The following ATRX variants were observed in gnomAD, a reference collection of about 807,000 sequenced individuals.
ATRX encodes chromatin remodeler ATRX.
ATRX carries 12 observed loss-of-function variants against 172.6 expected under a neutral mutation model. The ratio of observed to expected loss-of-function variants is 0.07; its 90% CI spans 0.04 to 0.11. The LOEUF is 0.11. ATRX is among the 10% of genes least tolerant of loss of function. The probability of loss-of-function intolerance (pLI) is 1.00; values close to 1 mark genes in which losing one functional copy is unlikely to be tolerated. For synonymous variants in ATRX, 674 were observed against 594.7 expected (o/e 1.13, Z -1.94); for missense variants, 1,368 against 1,767.4 (o/e 0.77, Z 4.05).
At chrX:77,721,035 T>A (rs1255239219) in intron 1 of ATRX, among the ~76,000 whole-genome samples, 1 of 111,997 alleles carries the variant, frequency 8.9e-6, no homozygotes, top group African/African-American at 3.2e-5. Flanking sequence ...CGCAAATCAA[T>A]AAACATAATC....
intron 30 of ATRX, among the ~76,000 whole-genome samples, chrX:77,530,897 A>G (rs2063554103): frequency 8.9e-6 from 1 of 112,277 alleles, no homozygotes; most frequent in Admixed American, 9.4e-5. Context: ...GAAAAGAAAG[A>G]AGAATCAAAT....
At chrX:77,684,847 G>A (rs1415456422) in intron 8 of ATRX, 92 bp downstream of exon 8, 23 of 855,967 alleles carry the variant, frequency 2.7e-5, no homozygotes, top group South Asian at 8.3e-5. Context: ...CATCAATGAC[G>A]ATACTATGAA....
At chrX:77,587,460 A>G (rs955560045) in intron 27 of ATRX, among the ~76,000 whole-genome samples, 4 of 112,241 alleles carry the variant, frequency 3.6e-5, no homozygotes, top group African/African-American at 1.3e-4. Flanking sequence ...GAAAGAGAAG[A>G]TAATTTCCTC....
intron 28 of ATRX, among the ~76,000 whole-genome samples, chrX:77,570,614 G>C (rs782703440): frequency 1.8e-5 from 2 of 111,479 alleles, no homozygotes; most frequent in African/African-American, 6.5e-5. Context: ...ATACAACACA[G>C]GACAAAGTCT....
chrX:77,556,198 A>G (rs1262298005), intron 30 of ATRX, among the ~76,000 whole-genome samples: 3 of 68,848 alleles, frequency 4.4e-5, no homozygotes, highest in Non-Finnish European at 7.7e-5. Flanking sequence ...GGAGAGGGAG[A>G]GGGAGAGGGG....
rs1557082422 is a variant in ATRX at position 77,593,840 on chromosome X, G to A, written c.5966C>T (p.Thr1989Ile). The part of the protein sequence containing the change: ...VSLKLEESKA[T>I]SSSNPSSPAP... ...TGGGCTGCTTGGATTAGAAGAAGAA[G>A]TAGCTTTACCTAAATAAGACAAATG... Residue 1989 changes from threonine to isoleucine, a missense_variant, in exon 26 of 35, where the codon ACT becomes ATT. Physicochemically the swap from Thr to Ile is moderately conservative, Grantham distance 89 (BLOSUM62 -1). Transcript: ENST00000373344. 8.3e-7 allele frequency: 1 copy of A among 1,207,599 alleles called. No homozygotes were observed. The highest frequency in any genetic ancestry group is 2.2e-5 in the Admixed American group (1 of 45,898).
chrX:77,778,930 CTTTTTTCT>C (rs1209167412), intron 1 of ATRX, among the ~76,000 whole-genome samples: 19 of 107,579 alleles, frequency 1.8e-4, no homozygotes, highest in African/African-American at 6.4e-4. Context: ...TGCTATCTCT[CTTTTTTCT>C]TTTTTTTGAA....
At chrX:77,530,025 C>G (rs782191310) in intron 30 of ATRX, among the ~76,000 whole-genome samples, 1 of 111,779 alleles carries the variant, frequency 8.9e-6, no homozygotes, top group African/African-American at 3.2e-5. Context: ...ACAACACATA[C>G]TCTAAAATTT....
chrX:77,589,936 C>G lies in ATRX; in HGVS notation c.6115G>C (p.Val2039Leu), dbSNP rs2148091070. ...AGAGATATGAGGGACTGGCTGAAAA[C>G]AAGGCTAAAAAAACAGATTAGTGTT... ...MAEEIGDKVLVFSQSLISLDL... is the reference protein window; with the variant it reads ...MAEEIGDKVLLFSQSLISLDL... The change falls in exon 27 of 35, where the codon GTT (valine) becomes CTT (leucine). Residue 2039 changes from valine to leucine, a missense_variant. By Grantham distance (32) the Val-to-Leu change is conservative. Around this residue, in one of 17 missense-constraint regions of ATRX, gnomAD observed 45 missense variants for 120.2 expected, o/e 0.37. Coordinates refer to ENST00000373344, the MANE Select transcript of ATRX (RefSeq NM_000489.6). The G allele has an allele frequency of 8.3e-7, 1 of 1,203,027 alleles. No homozygotes were observed. The highest frequency in any genetic ancestry group is 1.1e-6 in the Non-Finnish European group (1 of 888,515).
Position 77,610,708 on chromosome X carries a change from CATAAT to C in ATRX, c.5566+5900_5566+5904del, listed in dbSNP as rs2067117232. Among the ~76,000 whole-genome samples the C allele has an allele frequency of 8.2e-5, 9 of 110,028 alleles. No individual in the cohort carries two copies. The South Asian group carries it at 3.4e-3, about 42-fold the overall frequency. The stretch of plus-strand genomic sequence containing the variant: ...AATGGGTACTATTTCATCTTTATTA[CATAAT>C]ATATTCTATATATTCCTAAATATTA... On this transcript the variant is annotated intron_variant, in intron 22 of 34. Coordinates refer to ENST00000373344, the MANE Select transcript of ATRX (RefSeq NM_000489.6).
At chrX:77,520,112 T>C (rs1476492943) in intron 34 of ATRX, among the ~76,000 whole-genome samples, 2 of 111,584 alleles carry the variant, frequency 1.8e-5, no homozygotes, top group African/African-American at 6.5e-5. Flanking sequence ...ACTAAAACAA[T>C]TGAACTCATG....
chrX:77,592,752 C>T (rs782583865), intron 26 of ATRX, among the ~76,000 whole-genome samples: 35 of 106,017 alleles, frequency 3.3e-4, no homozygotes, highest in Middle Eastern at 0.011. Flanking sequence ...GCGGAGGTTG[C>T]GATGAGCCGA....
chrX:77,686,797 T>C (rs2071590790), intron 7 of ATRX, among the ~76,000 whole-genome samples: 1 of 110,988 alleles, frequency 9.0e-6, no homozygotes, highest in Non-Finnish European at 1.9e-5. Context: ...ATCTCAAGAA[T>C]TAATGCCTTG....
rs782292211 is a variant in ATRX, at chrX:77,773,497, T to A, written c.20+12485A>T. 5.4e-5 allele frequency among the ~76,000 whole-genome samples: 6 copies of A among 111,862 alleles called. No homozygotes were observed. In the South Asian group the frequency reaches 2.2e-3, roughly 42 times the overall value. ...GGCCAGGCACGATGGCTCACGCCTGTAATCCCAGCACTTTGAAAGGCCAAG... is the reference window on the plus strand; with the variant it reads ...GGCCAGGCACGATGGCTCACGCCTGAAATCCCAGCACTTTGAAAGGCCAAG... On this transcript the variant is annotated intron_variant, in intron 1 of 34. Transcript: ENST00000373344.
chrX:77,601,057 A>G (rs1557086877), intron 22 of ATRX, among the ~76,000 whole-genome samples: 3 of 111,404 alleles, frequency 2.7e-5, no homozygotes, highest in Non-Finnish European at 5.7e-5. Flanking sequence ...ATCCAGGTAC[A>G]TATAATCCCC....
intron 29 of ATRX, 108 bp downstream of exon 29, chrX:77,558,561 T>C: frequency 1.4e-6 from 1 of 711,414 alleles, no homozygotes; most frequent in South Asian, 2.8e-5. Context: ...ACAGAAATGG[T>C]ATTTCCAACT....
At chrX:77,671,294 ATTT>A (rs1331732066) in intron 10 of ATRX, among the ~76,000 whole-genome samples, 1 of 101,572 alleles carries the variant, frequency 9.8e-6, no homozygotes, top group Non-Finnish European at 2.0e-5. Context: ...GGTTTGAAAT[ATTT>A]TTTTTTAGTC....
intron 1 of ATRX, among the ~76,000 whole-genome samples, chrX:77,746,886 C>T (rs1354454293): frequency 3.6e-5 from 4 of 111,015 alleles, no homozygotes; most frequent in Admixed American, 2.9e-4. Context: ...CTGCAACCTC[C>T]ACCTCCCGGG....
intron 15 of ATRX, among the ~76,000 whole-genome samples, 177 bp from the exon 16 acceptor site, chrX:77,636,233 T>G (rs1003206576): frequency 1.8e-5 from 2 of 112,172 alleles, no homozygotes; most frequent in African/African-American, 6.5e-5. Flanking sequence ...ATCCCCAATG[T>G]TGGAGGTGGG....
Sources: gnomAD v4.1 joint callset for allele counts (sites outside exome capture counted in the v4.1 genomes callset) on GRCh38, gnomAD v4.1.1 for gene constraint, gnomAD v4.1.1 regional missense constraint, MANE v1.5 for transcripts, NCBI Gene and HGNC (gene_info 2026-07-23, HGNC 2026-07-21) for gene names.